The following MPP7 variants were observed in gnomAD, a reference collection of about 807,000 sequenced individuals.
MPP7 encodes the protein MAGUK p55 subfamily member 7.
In MPP7, 60 loss-of-function variants were observed where a neutral mutation model predicts 76.5. The observed-to-expected ratio is 0.78, with a 90% confidence interval of 0.64 to 0.97. The LOEUF (loss-of-function observed/expected upper bound fraction) is 0.97. MPP7 is among the 50% of genes least tolerant of loss of function. The pLI, the probability that MPP7 is intolerant of heterozygous loss-of-function variation, is 0.00. For synonymous variants in MPP7, 237 were observed against 244.5 expected (o/e 0.97, Z 0.29); for missense variants, 641 against 694.0 (o/e 0.92, Z 0.86).
chr10:28,315,039 C>G (rs532266041), intron 2 of MPP7, among the ~76,000 whole-genome samples: 1 of 151,816 alleles, frequency 6.6e-6, no homozygotes, highest in African/African-American at 2.4e-5. Context: ...AACCAGCTAC[C>G]TGGTAGGCTG....
chr10:28,083,686 C>T (rs535434364), intron 12 of MPP7, among the ~76,000 whole-genome samples: 11 of 151,680 alleles, frequency 7.3e-5, no homozygotes, highest in African/African-American at 9.7e-5. Context: ...TACAGGCGCC[C>T]GACACCACAC....
intron 3 of MPP7, among the ~76,000 whole-genome samples, chr10:28,178,380 C>G (rs1157079420): frequency 6.6e-6 from 1 of 151,980 alleles, no homozygotes; most frequent in Non-Finnish European, 1.5e-5. Context: ...CTATTAAACA[C>G]AGGCAGACAA....
chr10:28,109,246 C>CCACT (rs1834420604), intron 11 of MPP7, among the ~76,000 whole-genome samples: 1 of 152,050 alleles, frequency 6.6e-6, no homozygotes, highest in Admixed American at 6.6e-5. Context: ...GGAGACTGTG[C>CCACT]CACTGCACTC....
At chr10:28,175,273 G>C (rs1463588035) in intron 3 of MPP7, among the ~76,000 whole-genome samples, 1 of 151,354 alleles carries the variant, frequency 6.6e-6, no homozygotes, top group East Asian at 1.9e-4. Flanking sequence ...CTGGGTAACA[G>C]AGTGAGATGT....
At chr10:28,190,145 C>T (rs1259256235) in intron 3 of MPP7, among the ~76,000 whole-genome samples, 6 of 152,132 alleles carry the variant, frequency 3.9e-5, no homozygotes, top group Admixed American at 3.9e-4. Flanking sequence ...AATGTGTATG[C>T]ACCTAAAAAG....
chr10:28,124,571 G>A (rs1256520048), intron 7 of MPP7, among the ~76,000 whole-genome samples: 1 of 140,110 alleles, frequency 7.1e-6, no homozygotes, highest in African/African-American at 2.7e-5. Context: ...CGCCTCCCAG[G>A]TTCACACCAT....
intron 11 of MPP7, among the ~76,000 whole-genome samples, chr10:28,099,355 C>A (rs1853709749): frequency 6.6e-6 from 1 of 152,104 alleles, no homozygotes; most frequent in Non-Finnish European, 1.5e-5. Context: ...ACATAACCAA[C>A]CTGGTCTAAT....
At chr10:28,171,434 AAT>A in intron 3 of MPP7, among the ~76,000 whole-genome samples, 1 of 152,214 alleles carries the variant, frequency 6.6e-6, no homozygotes, top group Admixed American at 6.5e-5. Flanking sequence ...TTTCTATTTT[AAT>A]AGCTGCCGGT....
chr10:28,238,983 G>A (rs1453022018), intron 1 of MPP7, among the ~76,000 whole-genome samples: 1 of 152,096 alleles, frequency 6.6e-6, no homozygotes, highest in African/African-American at 2.4e-5. Flanking sequence ...TTACATTTGG[G>A]TTGAGGAACA....
intron 1 of MPP7, among the ~76,000 whole-genome samples, chr10:28,263,021 ACTC>A (rs1840040858): frequency 6.6e-6 from 1 of 152,110 alleles, no homozygotes; most frequent in Non-Finnish European, 1.5e-5. Context: ...GCACCACCGC[ACTC>A]CAGCCTGGGC....
intron 5 of MPP7, among the ~76,000 whole-genome samples, chr10:28,139,064 C>T (rs1427448805): frequency 6.6e-6 from 1 of 151,962 alleles, no homozygotes; most frequent in Non-Finnish European, 1.5e-5. Flanking sequence ...AATGAAGGGA[C>T]GAACATAGAA....
At chr10:28,208,741 G>A (rs1838030116) in intron 2 of MPP7, among the ~76,000 whole-genome samples, 1 of 152,184 alleles carries the variant, frequency 6.6e-6, no homozygotes, top group Non-Finnish European at 1.5e-5. Context: ...TCATAGTGCA[G>A]ACAATGAAGT....
intron 1 of MPP7, among the ~76,000 whole-genome samples, chr10:28,258,242 A>C (rs1277890914): frequency 6.6e-6 from 1 of 151,344 alleles, no homozygotes; most frequent in Non-Finnish European, 1.5e-5. Flanking sequence ...GAGACCACCA[A>C]GAAGACAAGA....
At chr10:28,249,814 T>C (rs980376053) in intron 1 of MPP7, among the ~76,000 whole-genome samples, 1 of 152,176 alleles carries the variant, frequency 6.6e-6, no homozygotes, top group Admixed American at 6.5e-5. Context: ...GGGAGGAGCC[T>C]AGCCCACTCC....
At chr10:28,107,841 T>C (rs888823242) in intron 11 of MPP7, among the ~76,000 whole-genome samples, 4 of 152,166 alleles carry the variant, frequency 2.6e-5, no homozygotes, top group African/African-American at 9.7e-5. Flanking sequence ...GAATAAATGC[T>C]TGCTGTTTAA....
intron 11 of MPP7, among the ~76,000 whole-genome samples, chr10:28,103,769 C>T (rs1311395305): frequency 6.6e-6 from 1 of 151,922 alleles, no homozygotes; most frequent in Admixed American, 6.6e-5. Context: ...CCAGAAATAG[C>T]ATTATAAGAA....
chr10:28,314,411 A>C (rs1270125224), intron 2 of MPP7, among the ~76,000 whole-genome samples: 1 of 152,250 alleles, frequency 6.6e-6, no homozygotes, highest in Admixed American at 6.5e-5. Context: ...AGGAAACAAA[A>C]GAAAACAAGG....
chr10:28,130,027 A>G (rs1291752626), intron 6 of MPP7, among the ~76,000 whole-genome samples: 4 of 152,136 alleles, frequency 2.6e-5, no homozygotes, highest in Non-Finnish European at 5.9e-5. Flanking sequence ...ATACCCACAT[A>G]ACCTGTGTTC....
chr10:28,334,864 A>T (rs1418017613), upstream of MPP7, among the ~76,000 whole-genome samples: 1 of 152,228 alleles, frequency 6.6e-6, no homozygotes, highest in Non-Finnish European at 1.5e-5. Context: ...AAATTATATT[A>T]CTTACCTATT....
Sources: allele counts gnomAD v4.1 joint callset (sites outside exome capture counted in the v4.1 genomes callset), GRCh38; gene constraint gnomAD v4.1.1; transcripts MANE v1.5; gene names NCBI Gene and HGNC (gene_info 2026-07-23, HGNC 2026-07-21).